DPP9: variants seen among roughly 807,000 people sequenced by gnomAD.
DPP9 encodes dipeptidyl peptidase IV-related protein-2.
In DPP9, 50 loss-of-function variants were observed where a neutral mutation model predicts 110.7. That is an observed-to-expected ratio of 0.45 (90% CI 0.36 to 0.57). DPP9 has a LOEUF of 0.57. Ranked by LOEUF, DPP9 falls within the 20% of genes least tolerant of loss-of-function variation. DPP9 has a pLI of 0.00. For synonymous variants in DPP9, 561 were observed against 514.4 expected, an observed-to-expected ratio of 1.09 and a Z score of -1.23; for missense variants, 1,022 against 1,217.9, an observed-to-expected ratio of 0.84 and a Z score of 2.39.
At position 4,694,917 on chromosome 19, in the gene DPP9, G is replaced by T; in HGVS notation, c.1354-94C>A. ...AATCCCAGTAGTTTGGGAGGCTGGG[G>T]CAGGAGACTTGCTTGAGCCCAGGAA... On this transcript the variant is annotated intron_variant, in intron 12 of 21. Coordinates refer to ENST00000262960, the MANE Select transcript of DPP9 (RefSeq NM_139159.5). The surrounding 1 kb of genome is among the most constrained non-coding windows in gnomAD (Gnocchi z 4.0). The T allele has an allele frequency of 7.6e-7, 1 of 1,312,868 alleles. No homozygotes were observed. The highest frequency in any genetic ancestry group is 1.1e-6 in the Non-Finnish European group (1 of 940,928). The allele number at this position is 1,312,868 out of a possible 1,614,324, so 81.3% of individuals were successfully genotyped here.
chr19:4,707,919 C>T (rs186185714), intron 4 of DPP9, among the ~76,000 whole-genome samples: 83 of 152,326 alleles, frequency 5.4e-4, no homozygotes, highest in African/African-American at 2.0e-3. Flanking sequence ...AGCCACCACA[C>T]CCGGCCCTTG....
At position 4,700,263 on chromosome 19, in the gene DPP9, T is replaced by C. The variant is rs772765070; in HGVS notation, c.1027A>G (p.Lys343Glu). The C allele has an allele frequency of 1.3e-6, 2 of 1,596,844 alleles. No homozygotes were observed. The highest frequency in any genetic ancestry group is 2.7e-5 in the African/African-American group (2 of 74,476). The change falls in exon 10 of 22, where the codon AAG becomes GAG. Residue 343 changes from lysine to glutamate, a missense_variant. Lys to Glu is a moderately conservative substitution (Grantham distance 56, BLOSUM62 1). Transcript: ENST00000262960. The surrounding 1 kb of genome is among the most constrained non-coding windows in gnomAD (Gnocchi z 4.3). Reference protein sequence around the residue: ...RYPRTGSKNPKIALKLAEFQT... With the variant: ...RYPRTGSKNPEIALKLAEFQT... ...AACTCAGCCAGTTTCAAGGCAATCT[T>C]GGGATTCTTGCTGCCTGCAAAAACC...
At chr19:4,709,631 C>T (rs1437488452) in intron 4 of DPP9, among the ~76,000 whole-genome samples, 2 of 151,890 alleles carry the variant, frequency 1.3e-5, no homozygotes, top group African/African-American at 2.4e-5. Flanking sequence ...CATGGTTGCC[C>T]GGGGCTTGGG....
chr19:4,720,719 C>T (rs1004253692), intron 2 of DPP9, among the ~76,000 whole-genome samples: 2 of 152,156 alleles, frequency 1.3e-5, no homozygotes, highest in Non-Finnish European at 2.9e-5. Flanking sequence ...AGAGATGCTG[C>T]TTAGCACCCC....
intron 20 of DPP9, among the ~76,000 whole-genome samples, chr19:4,681,350 C>T (rs949009570): frequency 2.0e-5 from 3 of 152,172 alleles, no homozygotes; most frequent in Admixed American, 1.3e-4. Flanking sequence ...GAGTCTCGCT[C>T]TGTTGCCCAG....
intron 4 of DPP9, among the ~76,000 whole-genome samples, chr19:4,711,628 C>G (rs1250759238): frequency 1.3e-5 from 2 of 151,948 alleles, no homozygotes; most frequent in East Asian, 3.9e-4. Flanking sequence ...CAAAAATTAG[C>G]TGGGTATGGT....
In DPP9 at chr19:4,682,741, T is replaced by C. The variant is rs376453990; in HGVS notation, c.2429A>G (p.Tyr810Cys). 1.9e-6 allele frequency: 3 copies of C among 1,608,678 alleles called. No individual in the cohort carries two copies. The highest frequency in any genetic ancestry group is 2.7e-5 in the African/African-American group (2 of 74,876). The change falls in exon 20 of 22, where the codon TAT becomes TGT. Residue 810 changes from tyrosine (Y) to cysteine (C), a missense_variant. Physicochemically the swap from Tyr to Cys is radical, Grantham distance 194. Around this residue, in one of 3 missense-constraint regions of DPP9, gnomAD observed 209 missense variants for 280.4 expected, o/e 0.75. Coordinates refer to ENST00000262960, the MANE Select transcript of DPP9 (RefSeq NM_139159.5). This position sits in a 1 kb window ranked among gnomAD's most constrained non-coding sequence, Gnocchi z 7.1. ...MDVPENNQHG[Y>C]EAGSVALHVE... ...GTGCAGGGCCACGGAACCCGCCTCA[T>C]AGCCGTGCTGGTTGTTCTCAGGGAC...
intron 7 of DPP9, among the ~76,000 whole-genome samples, chr19:4,703,035 T>C (rs1197462314): frequency 6.6e-6 from 1 of 151,410 alleles, no homozygotes; most frequent in Non-Finnish European, 1.5e-5. Context: ...CCCGCCCAAG[T>C]GTGCCGTCTA....
intron 2 of DPP9, among the ~76,000 whole-genome samples, chr19:4,720,936 C>A (rs775709312): frequency 1.3e-5 from 2 of 152,210 alleles, no homozygotes; most frequent in Non-Finnish European, 2.9e-5. Flanking sequence ...TTCTCCCTCC[C>A]CACTCAGGGT....
chr19:4,683,555 G>C lies in DPP9; in HGVS notation c.2253C>G (p.Ser751Arg). The change falls in exon 19 of 22, where the codon AGC becomes AGG. Residue 751 changes from serine (S) to arginine (R), a missense_variant. Ser to Arg is a moderately radical substitution (Grantham distance 110, BLOSUM62 -1). Around this residue, in one of 3 missense-constraint regions of DPP9, gnomAD observed 209 missense variants for 280.4 expected, o/e 0.75. Coordinates refer to ENST00000262960, the MANE Select transcript of DPP9 (RefSeq NM_139159.5). ...AGGACCAGCCATGGATGGCAACTCG[G>C]CTCAGGTCGATGAAGCCATACTTCT... ...VAEKYGFIDL[S>R]RVAIHGWSYG... The C allele has an allele frequency of 6.2e-7, 1 of 1,613,456 alleles. No homozygotes were observed. The highest frequency in any genetic ancestry group is 1.1e-5 in the South Asian group (1 of 91,090).
Position 4,722,480 on chromosome 19 carries a change from A to G in DPP9, c.-36+19T>C. 1 of 702,906 alleles carries G rather than the reference A, an allele frequency of 1.4e-6. No individual in the cohort carries two copies. The allele number at this position is 702,906 out of a possible 1,614,324, so 43.5% of individuals were successfully genotyped here. ...CCACACCCCAGCCTTCCTGGCTGCC[A>G]AACCCCAGCACAACTGACCTTCTAA... On this transcript the variant is annotated intron_variant, in intron 2 of 21. Coordinates refer to ENST00000262960, the MANE Select transcript of DPP9 (RefSeq NM_139159.5).
At chr19:4,690,749 G>GTGTGTA in intron 14 of DPP9, 129 bp downstream of exon 14, 1 of 758,974 alleles carries the variant, frequency 1.3e-6, no homozygotes, top group Non-Finnish European at 2.2e-6. Context: ...GTGTGTGCGT[G>GTGTGTA]TGTGTATGTG....
At chr19:4,703,304 C>CGT (rs2092398720) in intron 7 of DPP9, among the ~76,000 whole-genome samples, 1 of 152,006 alleles carries the variant, frequency 6.6e-6, no homozygotes, top group South Asian at 2.1e-4. Context: ...TCCAGAGCAC[C>CGT]GTGGCTGGGC....
Position 4,689,870 on chromosome 19 carries a change from A to T in DPP9, c.1597-148T>A. On this transcript the variant is annotated intron_variant, in intron 14 of 21. Coordinates refer to ENST00000262960, the MANE Select transcript of DPP9 (RefSeq NM_139159.5). This position sits in a 1 kb window ranked among gnomAD's most constrained non-coding sequence, Gnocchi z 7.0. Reference sequence around the variant, plus strand: ...AAGTCTGGCTTTAGGGCTGGAGATGAACCATCCCTGAGAGATGCGCTTATC... The same window carrying T: ...AAGTCTGGCTTTAGGGCTGGAGATGTACCATCCCTGAGAGATGCGCTTATC... 7 of 908,448 alleles carry T rather than the reference A, an allele frequency of 7.7e-6. No homozygotes were observed. The highest frequency in any genetic ancestry group is 1.1e-5 in the Non-Finnish European group (7 of 626,072). 56.3% of individuals were successfully genotyped at this position (908,448 alleles called of 1,614,324 possible). A position where few individuals can be genotyped will look rare whatever the true frequency, so the allele number is the denominator to read the frequency against.
At chr19:4,702,314 C>A (rs1462930576) in intron 8 of DPP9, among the ~76,000 whole-genome samples, 159 bp from the exon 9 acceptor site, 5 of 152,212 alleles carry the variant, frequency 3.3e-5, no homozygotes, top group Non-Finnish European at 7.3e-5. Flanking sequence ...ATGCCAGTCC[C>A]AACTCTCTGG....
At chr19:4,683,249 G>GT in intron 19 of DPP9, 1 of 1,433,934 alleles carries the variant, frequency 7.0e-7, no homozygotes, top group Non-Finnish European at 9.1e-7. Context: ...TGCTGGCGGG[G>GT]TTTTGTGCAG....
chr19:4,708,432 T>C (rs551390395), intron 4 of DPP9, among the ~76,000 whole-genome samples: 64 of 152,322 alleles, frequency 4.2e-4, no homozygotes, highest in Admixed American at 8.5e-4. Flanking sequence ...CACTCCCTTG[T>C]GGGAACTCCT....
Position 4,676,488 on chromosome 19 carries a change from T to A in DPP9, c.*76A>T, listed in dbSNP as rs1211951373. 7.5e-7 allele frequency: 1 copy of A among 1,331,694 alleles called. No individual in the cohort carries two copies. Among genetic ancestry groups the A allele is most frequent in the Non-Finnish European group, 1.1e-6 (1 of 949,100 alleles). 82.5% of individuals were successfully genotyped at this position (1,331,694 alleles called of 1,614,324 possible). ...TGCCTCACTGGGGCCCGCGGGCCAC[T>A]CAGTCCCTCCCGCCTGGTTCCCCGC... On this transcript the variant is annotated 3_prime_UTR_variant, in exon 22 of 22. Transcript: ENST00000262960. The surrounding 1 kb of genome is among the most constrained non-coding windows in gnomAD (Gnocchi z 4.0).
At chr19:4,680,395 A>G (rs2089673617) in intron 20 of DPP9, among the ~76,000 whole-genome samples, 1 of 148,770 alleles carries the variant, frequency 6.7e-6, no homozygotes, top group African/African-American at 2.6e-5. Flanking sequence ...ACAGAGCAAG[A>G]CCCCATCTCT....
Sources: allele counts gnomAD v4.1 joint callset (sites outside exome capture counted in the v4.1 genomes callset), GRCh38; gene constraint gnomAD v4.1.1; regional missense constraint gnomAD v4.1.1; non-coding constraint Gnocchi (gnomAD v3.1); transcripts MANE v1.5; gene names NCBI Gene and HGNC (gene_info 2026-07-23, HGNC 2026-07-21).